APBB2: variants seen among roughly 807,000 people sequenced by gnomAD.
APBB2 encodes the protein Fe65-like 1.
APBB2 carries 38 observed loss-of-function variants against 82.5 expected under a neutral mutation model. The observed-to-expected ratio is 0.46, with a 90% CI of 0.36 to 0.60. The LOEUF is 0.60. APBB2 is among the 20% of genes least tolerant of loss of function. The pLI, the probability that APBB2 is intolerant of heterozygous loss-of-function variation, is 0.00. For synonymous variants in APBB2, 341 were observed against 368.2 expected (o/e 0.93, Z 0.85); for missense variants, 772 against 972.3 (o/e 0.79, Z 2.74).
chr4:40,905,319 A>G (rs1484542938), intron 10 of APBB2, among the ~76,000 whole-genome samples: 1 of 152,172 alleles, frequency 6.6e-6, no homozygotes, highest in Non-Finnish European at 1.5e-5. Context: ...GCAGTTGGGA[A>G]ACACCCAGCG....
chr4:41,098,342 G>A (rs891032577), intron 3 of APBB2, among the ~76,000 whole-genome samples: 1 of 151,938 alleles, frequency 6.6e-6, no homozygotes, highest in African/African-American at 2.4e-5. Flanking sequence ...TTACCACTAA[G>A]CCCAGCAACT....
intron 3 of APBB2, among the ~76,000 whole-genome samples, chr4:41,093,359 G>A (rs377396334): frequency 7.9e-5 from 12 of 152,242 alleles, no homozygotes; most frequent in African/African-American, 2.6e-4. Flanking sequence ...AGGCTATAAC[G>A]CTGAAGTGCT....
chr4:41,041,897 C>A (rs1453699602), intron 4 of APBB2, among the ~76,000 whole-genome samples: 1 of 152,180 alleles, frequency 6.6e-6, no homozygotes, highest in African/African-American at 2.4e-5. Flanking sequence ...TAGATTTTTC[C>A]ATTTAAGAGT....
chr4:40,927,255 C>T (rs1782846583), intron 10 of APBB2, among the ~76,000 whole-genome samples: 1 of 152,304 alleles, frequency 6.6e-6, no homozygotes, highest in Non-Finnish European at 1.5e-5. Context: ...CCAAAAACCT[C>T]TCCTGACAAA....
intron 6 of APBB2, among the ~76,000 whole-genome samples, chr4:40,964,190 G>A (rs1301983630): frequency 1.3e-5 from 2 of 152,008 alleles, no homozygotes; most frequent in African/African-American, 4.8e-5. Flanking sequence ...TTCTTACTGT[G>A]ACTAAAGGCT....
At chr4:40,985,524 G>T (rs1340219395) in intron 6 of APBB2, among the ~76,000 whole-genome samples, 1 of 152,044 alleles carries the variant, frequency 6.6e-6, no homozygotes, top group Non-Finnish European at 1.5e-5. Context: ...CTCTGATGAA[G>T]ACAAGTCTTT....
chr4:40,880,060 C>CT, intron 12 of APBB2: 1 of 985,386 alleles, frequency 1.0e-6, no homozygotes, highest in Non-Finnish European at 1.2e-6. Context: ...AGCGATGGCA[C>CT]TTATGACCCT....
rs529853526 is a variant in APBB2 at position 41,130,740 on chromosome 4, G to A, written c.-261+12247C>T. 4.6e-5 allele frequency among the ~76,000 whole-genome samples: 7 copies of A among 152,092 alleles called. No homozygotes were observed. The East Asian group carries it at 9.7e-4, about 21-fold the overall frequency. On this transcript the variant is annotated intron_variant, in intron 2 of 17. Coordinates refer to ENST00000508593, the MANE Select transcript of APBB2 (RefSeq NM_004307.2). ...AGGCCAGTCTCCTCGAGTGCCTACC[G>A]ATGCCCCAAGACCACGCCCTCCCCA...
At chr4:41,124,596 G>A (rs554718799) in intron 2 of APBB2, among the ~76,000 whole-genome samples, 1 of 152,306 alleles carries the variant, frequency 6.6e-6, no homozygotes, top group Admixed American at 6.5e-5. Flanking sequence ...TGGCCTCCAA[G>A]CTGTAGTTTG....
intron 1 of APBB2, among the ~76,000 whole-genome samples, chr4:41,199,212 T>C (rs1776089769): frequency 6.6e-6 from 1 of 152,174 alleles, no homozygotes; most frequent in East Asian, 1.9e-4. Flanking sequence ...ACTCCAGAGA[T>C]GCACAGAGAT....
chr4:41,093,155 GA>G (rs1742364834), intron 3 of APBB2, among the ~76,000 whole-genome samples: 1 of 152,176 alleles, frequency 6.6e-6, no homozygotes, highest in South Asian at 2.1e-4. Context: ...TCAAAGCCCA[GA>G]TGAAATGTTG....
intron 3 of APBB2, among the ~76,000 whole-genome samples, chr4:41,074,495 C>T (rs868132716): frequency 2.6e-5 from 4 of 152,158 alleles, no homozygotes; most frequent in Middle Eastern, 3.4e-3. Context: ...AGAAAGATTT[C>T]GTCTCAGAAC....
chr4:41,099,777 T>C (rs1744740129), intron 3 of APBB2, among the ~76,000 whole-genome samples: 1 of 152,202 alleles, frequency 6.6e-6, no homozygotes, highest in Non-Finnish European at 1.5e-5. Context: ...ATAGGAAGTT[T>C]AGAAAGCTAT....
At chr4:41,010,876 G>C (rs1405317625) in intron 6 of APBB2, among the ~76,000 whole-genome samples, 1 of 152,096 alleles carries the variant, frequency 6.6e-6, no homozygotes, top group African/African-American at 2.4e-5. Context: ...CAAAATTAGA[G>C]AATAGAATAA....
At chr4:41,210,020 C>T (rs1186090702) in intron 1 of APBB2, among the ~76,000 whole-genome samples, 1 of 152,142 alleles carries the variant, frequency 6.6e-6, no homozygotes, top group Non-Finnish European at 1.5e-5. Context: ...AGGGAGTGCA[C>T]AACCAAGATC....
intron 4 of APBB2, among the ~76,000 whole-genome samples, chr4:41,055,405 G>C (rs1727480699): frequency 6.6e-6 from 1 of 152,156 alleles, no homozygotes; most frequent in Non-Finnish European, 1.5e-5. Flanking sequence ...CCTTTTCACT[G>C]CTCTATTCCC....
rs1560570641 is a variant in APBB2, at chr4:40,810,405, C to CCAT, written c.*5684_*5686dup. 2 of 151,682 alleles carry CCAT rather than the reference C, an allele frequency of 1.3e-5. No homozygotes were observed. Among genetic ancestry groups the CCAT allele is most frequent in the South Asian group, 4.2e-4 (2 of 4,796 alleles). 9.4% of individuals were successfully genotyped at this position (151,682 alleles called of 1,614,324 possible). ...GACAACATGGCGAAACCCCAAAACC[C>CCAT]CATCTCTACAAAAAATACAAAAATT... is the stretch of plus-strand genomic sequence containing the variant. On this transcript the variant is annotated 3_prime_UTR_variant, in exon 18 of 18. Transcript: ENST00000508593.
intron 4 of APBB2, among the ~76,000 whole-genome samples, chr4:41,057,512 ATATT>A (rs1480826186): frequency 4.1e-4 from 63 of 152,350 alleles, no homozygotes; most frequent in South Asian, 2.1e-3. Flanking sequence ...TTCTTAGTAT[ATATT>A]CATAACAGAA....
At chr4:41,004,835 T>TTAA (rs1162752142) in intron 6 of APBB2, among the ~76,000 whole-genome samples, 1 of 6,058 alleles carries the variant, frequency 1.7e-4, no homozygotes, top group Non-Finnish European at 6.0e-4. Flanking sequence ...AGACCCCATC[T>TTAA]CAAAAAAAAA....
Sources: allele counts gnomAD v4.1 joint callset (sites outside exome capture counted in the v4.1 genomes callset), GRCh38; gene constraint gnomAD v4.1.1; transcripts MANE v1.5; gene names NCBI Gene and HGNC (gene_info 2026-07-23, HGNC 2026-07-21).